The following CALCR variants were observed in gnomAD, a reference collection of about 807,000 sequenced individuals.
CALCR encodes calcitonin receptor.
In CALCR, 47 loss-of-function variants were observed where a neutral mutation model predicts 59.5. The observed-to-expected ratio is 0.79, with a 90% CI of 0.63 to 1.01. The LOEUF is 1.01. Among genes scored for constraint, CALCR ranks in the 50% least tolerant of loss-of-function variants. The pLI is 0.00. For missense variants in CALCR, 566 were observed against 597.1 expected, an observed-to-expected ratio of 0.95 and a Z score of 0.54; for synonymous variants, 213 against 211.3, an observed-to-expected ratio of 1.01 and a Z score of -0.07.
At chr7:93,452,315 T>C (rs1490043820) in intron 8 of CALCR, among the ~76,000 whole-genome samples, 1 of 151,934 alleles carries the variant, frequency 6.6e-6, no homozygotes, top group East Asian at 1.9e-4. Flanking sequence ...ATGAGAAACA[T>C]CCTGACTTTG....
At chr7:93,529,314 G>A (rs905253493) in intron 2 of CALCR, among the ~76,000 whole-genome samples, 6 of 152,016 alleles carry the variant, frequency 3.9e-5, no homozygotes, top group South Asian at 2.1e-4. Flanking sequence ...TGCTCCCACC[G>A]TGTAAGATAC....
intron 2 of CALCR, among the ~76,000 whole-genome samples, chr7:93,533,602 T>TA (rs745714466): frequency 1.1e-4 from 16 of 151,678 alleles, no homozygotes; most frequent in African/African-American, 3.4e-4. Context: ...AAAGACTTTT[T>TA]AAAAAAAATG....
intron 2 of CALCR, among the ~76,000 whole-genome samples, chr7:93,519,505 TA>T (rs902856381): frequency 1.3e-5 from 2 of 152,122 alleles, no homozygotes; most frequent in African/African-American, 4.8e-5. Flanking sequence ...GGGAATTAGA[TA>T]AATACATATA....
At position 93,436,080 on chromosome 7, in the gene CALCR, C is replaced by T. The variant is rs777158847; in HGVS notation, c.1021G>A (p.Ala341Thr). The T allele has an allele frequency of 6.2e-7, 1 of 1,614,106 alleles. No homozygotes were observed. The highest frequency in any genetic ancestry group is 1.1e-5 in the South Asian group (1 of 91,084). The change falls in exon 12 of 14, where the codon GCT becomes ACT. Residue 341 changes from alanine (A) to threonine (T), a missense_variant. Ala to Thr is a moderately conservative substitution (Grantham distance 58). Transcript: ENST00000426151. ...HEAESHMYLK[A>T]VKATMILVPL... Reference sequence around the variant, plus strand: ...ACAAGGATCATGGTGGCCTTCACAGCCTTCAGGTACATGTGGGATTCCGCC... The same window carrying T: ...ACAAGGATCATGGTGGCCTTCACAGTCTTCAGGTACATGTGGGATTCCGCC...
intron 9 of CALCR, among the ~76,000 whole-genome samples, chr7:93,441,181 T>G (rs1212756684): frequency 1.3e-5 from 2 of 152,160 alleles, no homozygotes; most frequent in Non-Finnish European, 2.9e-5. Context: ...CCGACAAGAA[T>G]ACATTTACAG....
chr7:93,430,210 C>CAGGCGT (rs1181398005), intron 13 of CALCR, among the ~76,000 whole-genome samples: 1 of 152,126 alleles, frequency 6.6e-6, no homozygotes, highest in African/African-American at 2.4e-5. Flanking sequence ...GCTGGGATTA[C>CAGGCGT]AGGCGTGAGC....
chr7:93,488,582 GAAAA>G (rs1554401502), intron 2 of CALCR, among the ~76,000 whole-genome samples: 1 of 78,040 alleles, frequency 1.3e-5, no homozygotes, highest in South Asian at 5.3e-4. Flanking sequence ...CAAATGGAAA[GAAAA>G]AAAAAAAAAA....
At chr7:93,441,754 C>A (rs1799911359) in intron 9 of CALCR, among the ~76,000 whole-genome samples, 1 of 152,028 alleles carries the variant, frequency 6.6e-6, no homozygotes, top group African/African-American at 2.4e-5. Context: ...ATGAGGTGAT[C>A]TGGTGAATAT....
chr7:93,550,637 ACAC>A, intron 2 of CALCR, among the ~76,000 whole-genome samples: 1 of 147,534 alleles, frequency 6.8e-6, no homozygotes, highest in Non-Finnish European at 1.5e-5. Context: ...ACACACACAC[ACAC>A]GAGAGACAGA....
chr7:93,527,456 T>C (rs73421372), intron 2 of CALCR, among the ~76,000 whole-genome samples: 140 of 152,246 alleles, frequency 9.2e-4, no homozygotes, highest in African/African-American at 3.1e-3. Context: ...ATTACTTCCG[T>C]ACTATAATTG....
At chr7:93,443,557 A>G (rs199836961) in intron 9 of CALCR, 47 bp downstream of exon 9, 10 of 1,571,130 alleles carry the variant, frequency 6.4e-6, no homozygotes, top group Middle Eastern at 1.7e-4. Context: ...GAAAGCATAC[A>G]GACAGAGGTG....
intron 12 of CALCR, 102 bp from the exon 13 acceptor site, chr7:93,434,396 A>G (rs1321823380): frequency 1.4e-6 from 1 of 717,870 alleles, no homozygotes; most frequent in African/African-American, 1.8e-5. Context: ...GATGAAAAAA[A>G]AAAAAAGCAA....
intron 2 of CALCR, among the ~76,000 whole-genome samples, chr7:93,542,276 C>G (rs906935720): frequency 2.0e-5 from 3 of 152,160 alleles, no homozygotes; most frequent in African/African-American, 7.2e-5. Flanking sequence ...CAAACCTATA[C>G]AGCATGTTAC....
intron 12 of CALCR, 101 bp downstream of exon 12, chr7:93,435,851 C>T (rs555079111): frequency 1.4e-5 from 6 of 423,868 alleles, no homozygotes; most frequent in African/African-American, 1.0e-4. Flanking sequence ...AATAAATAAA[C>T]AAATAAGTAA....
intron 2 of CALCR, among the ~76,000 whole-genome samples, chr7:93,504,550 C>T (rs1801386434): frequency 6.6e-6 from 1 of 152,106 alleles, no homozygotes; most frequent in African/African-American, 2.4e-5. Flanking sequence ...GGAAGACATT[C>T]AAATAGTACT....
rs1029976078 is a variant in CALCR, at chr7:93,438,052, A to C, written c.930+8T>G. Reference sequence around the variant, plus strand: ...CTACTAATATTGCAATAAAAAACTAATTCTCACCACAAGTGCCGCCATGAC... The same window carrying C: ...CTACTAATATTGCAATAAAAAACTACTTCTCACCACAAGTGCCGCCATGAC... On this transcript the variant is annotated splice_region_variant and intron_variant, in intron 11 of 13. Transcript: ENST00000426151. 1.2e-6 allele frequency: 2 copies of C among 1,612,148 alleles called. No homozygotes were observed. Among genetic ancestry groups the C allele is most frequent in the East Asian group, 2.2e-5 (1 of 44,804 alleles).
chr7:93,472,661 G>A (rs998220191), intron 5 of CALCR, among the ~76,000 whole-genome samples, 174 bp from the exon 6 acceptor site: 1 of 151,784 alleles, frequency 6.6e-6, no homozygotes, highest in African/African-American at 2.4e-5. Context: ...GTATTAATAT[G>A]TATTGTCTCA....
chr7:93,546,590 T>G (rs1439793998), intron 2 of CALCR, among the ~76,000 whole-genome samples: 1 of 151,418 alleles, frequency 6.6e-6, no homozygotes, highest in Non-Finnish European at 1.5e-5. Flanking sequence ...TTTTTTTTTT[T>G]AGACAGGGTG....
intron 2 of CALCR, among the ~76,000 whole-genome samples, chr7:93,539,790 C>T (rs754817835): frequency 3.9e-5 from 6 of 152,148 alleles, no homozygotes; most frequent in African/African-American, 7.2e-5. Context: ...AAGTTAAAGA[C>T]GCTTCCCTCT....
Sources: allele counts gnomAD v4.1 joint callset (sites outside exome capture counted in the v4.1 genomes callset), GRCh38; gene constraint gnomAD v4.1.1; transcripts MANE v1.5; gene names NCBI Gene and HGNC (gene_info 2026-07-23, HGNC 2026-07-21).